DDR2: variants seen among roughly 807,000 people sequenced by gnomAD.
DDR2 encodes discoidin domain receptor tyrosine kinase 2, also known as discoidin domain-containing receptor 2.
A neutral mutation model predicts 94.9 loss-of-function variants in DDR2; 27 were observed. That is an observed-to-expected ratio of 0.28 (90% CI 0.21 to 0.39). The LOEUF (loss-of-function observed/expected upper bound fraction) is 0.39, where lower values mean the gene tolerates loss of function less well. Ranked by LOEUF, DDR2 falls within the 10% of genes least tolerant of loss-of-function variation. The pLI, the probability that DDR2 is intolerant of heterozygous loss-of-function variation, is 1.00. For missense variants in DDR2, 783 were observed against 1,076.0 expected (o/e 0.73, Z 3.81); for synonymous variants, 382 against 377.2 (o/e 1.01, Z -0.15).
intron 1 of DDR2, among the ~76,000 whole-genome samples, chr1:162,646,059 G>A (rs866069959): frequency 6.6e-6 from 1 of 152,162 alleles, no homozygotes; most frequent in Non-Finnish European, 1.5e-5. Context: ...CAACGACTCA[G>A]TTTTCCCAAC....
chr1:162,709,753 A>G lies in DDR2; in HGVS notation c.-27-9284A>G, dbSNP rs537641577. Among the ~76,000 whole-genome samples the G allele has an allele frequency of 8.5e-5, 13 of 152,324 alleles. No individual in the cohort carries two copies. In the East Asian group the frequency reaches 2.5e-3, roughly 29 times the overall value. ...GGAGCTGGTTGGGAAAGATACTCACATGCAGAAAAGTTTCCAGCAAGTCAG... is the reference window on the plus strand; with the variant it reads ...GGAGCTGGTTGGGAAAGATACTCACGTGCAGAAAAGTTTCCAGCAAGTCAG... On this transcript the variant is annotated intron_variant, in intron 2 of 17. Transcript: ENST00000367921.
chr1:162,652,980 C>T (rs1192514969), intron 1 of DDR2, among the ~76,000 whole-genome samples: 1 of 152,172 alleles, frequency 6.6e-6, no homozygotes, highest in Non-Finnish European at 1.5e-5. Context: ...GTGGCACACA[C>T]CTGCAGTCCC....
At chr1:162,676,165 GT>G (rs869217731) in intron 2 of DDR2, among the ~76,000 whole-genome samples, 3 of 88,066 alleles carry the variant, frequency 3.4e-5, no homozygotes, top group Non-Finnish European at 1.0e-4. Context: ...CAAGTGGACA[GT>G]CAAGAATGGT....
chr1:162,715,223 TACA>T, intron 2 of DDR2, among the ~76,000 whole-genome samples: 1 of 152,272 alleles, frequency 6.6e-6, no homozygotes, highest in South Asian at 2.1e-4. Context: ...GTGTTGAGAC[TACA>T]ACAACGAATA....
intron 2 of DDR2, among the ~76,000 whole-genome samples, chr1:162,682,925 ATAT>A (rs1374292244): frequency 6.6e-6 from 1 of 152,222 alleles, no homozygotes; most frequent in East Asian, 1.9e-4. Context: ...GAAGAAAGCT[ATAT>A]TATATAAACA....
At chr1:162,661,958 G>A (rs1658318837) in intron 2 of DDR2, among the ~76,000 whole-genome samples, 1 of 152,178 alleles carries the variant, frequency 6.6e-6, no homozygotes, top group Non-Finnish European at 1.5e-5. Context: ...AAGAGTCCGG[G>A]TAGACATAAG....
Position 162,681,202 on chromosome 1 carries a change from C to G in DDR2, c.-28+25828C>G, listed in dbSNP as rs969533769. 8.5e-5 allele frequency among the ~76,000 whole-genome samples: 13 copies of G among 152,212 alleles called. No homozygotes were observed. The East Asian group carries it at 2.3e-3, about 27-fold the overall frequency. ...GCTTGTTAACGTGCACTGTACTCAG[C>G]CTTGACACACGGGAGAAAGGTTTTC... On this transcript the variant is annotated intron_variant, in intron 2 of 17. Coordinates refer to ENST00000367921, the MANE Select transcript of DDR2 (RefSeq NM_006182.4).
intron 2 of DDR2, among the ~76,000 whole-genome samples, chr1:162,657,055 G>A (rs1658021910): frequency 6.6e-6 from 1 of 151,658 alleles, no homozygotes; most frequent in Non-Finnish European, 1.5e-5. Flanking sequence ...GTCCAGGCTG[G>A]TCTTGAACTC....
chr1:162,750,522 A>G (rs879611469), intron 3 of DDR2, among the ~76,000 whole-genome samples: 3 of 152,244 alleles, frequency 2.0e-5, no homozygotes, highest in Non-Finnish European at 4.4e-5. Context: ...AGAACATTCC[A>G]TGCTCGTGGG....
chr1:162,647,377 A>G lies in DDR2; in HGVS notation c.-191-7834A>G, dbSNP rs568611731. Among the ~76,000 whole-genome samples, 6 of 152,296 alleles carry G rather than the reference A, an allele frequency of 3.9e-5. No individual in the cohort carries two copies. The South Asian group carries it at 1.2e-3, about 32-fold the overall frequency. On this transcript the variant is annotated intron_variant, in intron 1 of 17. Transcript: ENST00000367921. ...CTACTTAAATCATAGCTCTAAGGTCAATATGGATTTGTTACCGGCAAGGGG... is the reference window on the plus strand; with the variant it reads ...CTACTTAAATCATAGCTCTAAGGTCGATATGGATTTGTTACCGGCAAGGGG...
chr1:162,683,977 A>C (rs1384800523), intron 2 of DDR2, among the ~76,000 whole-genome samples: 1 of 152,200 alleles, frequency 6.6e-6, no homozygotes, highest in Non-Finnish European at 1.5e-5. Flanking sequence ...AGTCTACCCT[A>C]TTTGAAGACT....
chr1:162,719,523 A>G (rs189291593), intron 3 of DDR2, among the ~76,000 whole-genome samples: 35 of 152,206 alleles, frequency 2.3e-4, no homozygotes, highest in African/African-American at 5.3e-4. Context: ...GGGCTGTCTT[A>G]GACTTTGATT....
In DDR2 at chr1:162,780,432, T is replaced by A; in HGVS notation, c.*186T>A. The A allele has an allele frequency of 1.3e-6, 1 of 750,394 alleles. No homozygotes were observed. The highest frequency in any genetic ancestry group is 2.0e-6 in the Non-Finnish European group (1 of 488,552). The allele number at this position is 750,394 out of a possible 1,614,324, so 46.5% of individuals were successfully genotyped here. A position where few individuals can be genotyped will look rare whatever the true frequency, so the allele number is the denominator to read the frequency against. ...TGACTCATATACACTTTTTTTTTTT[T>A]TTACATTAAAGAACTAAAAAAGGAA... On this transcript the variant is annotated 3_prime_UTR_variant, in exon 18 of 18. Transcript: ENST00000367921.
At chr1:162,634,783 G>T (rs1011682741) in intron 1 of DDR2, among the ~76,000 whole-genome samples, 2 of 152,230 alleles carry the variant, frequency 1.3e-5, no homozygotes, top group Middle Eastern at 3.2e-3. Flanking sequence ...TGAAAAGGAA[G>T]TGTTTAGTCA....
At chr1:162,765,944 G>C in intron 9 of DDR2, 57 bp from the exon 10 acceptor site, 1 of 1,566,428 alleles carries the variant, frequency 6.4e-7, no homozygotes, top group South Asian at 1.1e-5. Flanking sequence ...TGCCTTCAGA[G>C]AAAACACTAG....
chr1:162,776,418 C>T, intron 16 of DDR2, 48 bp downstream of exon 16: 1 of 1,587,718 alleles, frequency 6.3e-7, no homozygotes, highest in Non-Finnish European at 8.6e-7. Context: ...GGCTTGTGGG[C>T]TCACATGCAT....
At chr1:162,650,526 G>A (rs1657636910) in intron 1 of DDR2, among the ~76,000 whole-genome samples, 2 of 152,074 alleles carry the variant, frequency 1.3e-5, no homozygotes, top group South Asian at 4.1e-4. Flanking sequence ...AACCTGGGAG[G>A]CAGAGGTTGC....
chr1:162,734,817 C>T (rs894706115), intron 3 of DDR2, among the ~76,000 whole-genome samples: 7 of 152,086 alleles, frequency 4.6e-5, no homozygotes, highest in African/African-American at 1.7e-4. Context: ...ATCGTGTGGA[C>T]CTCAAGGGTC....
At chr1:162,776,800 T>G (rs1176770099) in intron 16 of DDR2, among the ~76,000 whole-genome samples, 1 of 152,216 alleles carries the variant, frequency 6.6e-6, no homozygotes, top group Non-Finnish European at 1.5e-5. Flanking sequence ...ATGTTCTTTT[T>G]AAGTTCATCA....
Sources: gnomAD v4.1 joint callset for allele counts (sites outside exome capture counted in the v4.1 genomes callset) on GRCh38, gnomAD v4.1.1 for gene constraint, MANE v1.5 for transcripts, NCBI Gene and HGNC (gene_info 2026-07-23, HGNC 2026-07-21) for gene names.